The following PTPRT variants were observed in gnomAD, a reference collection of about 807,000 sequenced individuals.
PTPRT encodes the protein receptor-type tyrosine-protein phosphatase T.
A neutral mutation model predicts 176.8 loss-of-function variants in PTPRT; 56 were observed. The observed-to-expected ratio is 0.32, with a 90% CI of 0.26 to 0.40. The LOEUF is 0.40. Among genes scored for constraint, PTPRT ranks in the 10% least tolerant of loss-of-function variants. The pLI is 1.00. For missense variants in PTPRT, 1,540 were observed against 1,908.2 expected (o/e 0.81, Z 3.60); for synonymous variants, 783 against 739.0 (o/e 1.06, Z -0.96).
chr20:42,328,775 C>T (rs1383290713), intron 11 of PTPRT, among the ~76,000 whole-genome samples: 3 of 152,100 alleles, frequency 2.0e-5, no homozygotes, highest in African/African-American at 7.2e-5. Flanking sequence ...TATTATTTGG[C>T]AACGTTGCCC....
chr20:42,154,288 TG>T (rs1170746200), intron 17 of PTPRT, among the ~76,000 whole-genome samples: 1 of 152,070 alleles, frequency 6.6e-6, no homozygotes, highest in African/African-American at 2.4e-5. Context: ...GAAGCAGAGG[TG>T]TCCTCAGACA....
chr20:42,449,718 G>A (rs371891338), intron 8 of PTPRT, among the ~76,000 whole-genome samples: 22 of 152,182 alleles, frequency 1.4e-4, no homozygotes, highest in South Asian at 2.1e-4. Context: ...ATCACGCTAC[G>A]CCTCTCTACA....
intron 1 of PTPRT, among the ~76,000 whole-genome samples, chr20:42,986,253 C>T (rs1024801083): frequency 6.6e-6 from 1 of 152,224 alleles, no homozygotes; most frequent in African/African-American, 2.4e-5. Flanking sequence ...GTACCAGAAT[C>T]ATTTTCAAGA....
intron 2 of PTPRT, among the ~76,000 whole-genome samples, chr20:42,862,611 G>C (rs1399970708): frequency 6.6e-6 from 1 of 152,180 alleles, no homozygotes; most frequent in East Asian, 1.9e-4. Flanking sequence ...GAGAGTGGGA[G>C]GGAGGGAGCC....
chr20:42,462,380 C>T (rs1020257755), intron 8 of PTPRT, among the ~76,000 whole-genome samples: 21 of 151,930 alleles, frequency 1.4e-4, no homozygotes, highest in African/African-American at 3.6e-4. Flanking sequence ...GCAGCAGCTA[C>T]GGAAGGAAAG....
At chr20:42,503,310 T>C (rs2071788594) in intron 7 of PTPRT, among the ~76,000 whole-genome samples, 1 of 152,066 alleles carries the variant, frequency 6.6e-6, no homozygotes, top group African/African-American at 2.4e-5. Flanking sequence ...GTAAGCATGT[T>C]AAAGCTAGGA....
At chr20:42,462,097 G>C (rs2071030930) in intron 8 of PTPRT, among the ~76,000 whole-genome samples, 1 of 152,082 alleles carries the variant, frequency 6.6e-6, no homozygotes. Flanking sequence ...ACAAGGAGGT[G>C]AGGGGGAGGT....
intron 7 of PTPRT, among the ~76,000 whole-genome samples, chr20:42,593,306 C>G (rs1487931609): frequency 6.6e-6 from 1 of 152,174 alleles, no homozygotes; most frequent in South Asian, 2.1e-4. Context: ...AAACTCTACT[C>G]TGAAATATTA....
intron 9 of PTPRT, among the ~76,000 whole-genome samples, chr20:42,414,420 C>T (rs779106356): frequency 2.0e-4 from 30 of 152,050 alleles, no homozygotes; most frequent in Non-Finnish European, 3.1e-4. Flanking sequence ...AGCAATTAAA[C>T]AAGAGACTGA....
intron 5 of PTPRT, among the ~76,000 whole-genome samples, chr20:42,759,594 A>C (rs1428105037): frequency 5.9e-5 from 9 of 152,252 alleles, no homozygotes; most frequent in Non-Finnish European, 1.2e-4. Context: ...GAAATGCCAC[A>C]AAGAAGCATA....
At chr20:42,747,271 T>C (rs150414304) in intron 6 of PTPRT, among the ~76,000 whole-genome samples, 38 of 152,302 alleles carry the variant, frequency 2.5e-4, no homozygotes, top group African/African-American at 9.1e-4. Context: ...TCTCGTCACA[T>C]GCTTGTAAAG....
chr20:42,938,675 C>T (rs557819069), intron 1 of PTPRT, among the ~76,000 whole-genome samples: 1 of 152,034 alleles, frequency 6.6e-6, no homozygotes, highest in African/African-American at 2.4e-5. Flanking sequence ...CTAACTCCCT[C>T]CCCCCCATGC....
At chr20:42,244,412 T>C (rs1439552030) in intron 14 of PTPRT, among the ~76,000 whole-genome samples, 6 of 152,204 alleles carry the variant, frequency 3.9e-5, no homozygotes, top group Non-Finnish European at 8.8e-5. Context: ...AGGTTAAGGC[T>C]GGACTAGGAC....
chr20:42,554,871 T>C (rs2072833065), intron 7 of PTPRT, among the ~76,000 whole-genome samples: 1 of 152,188 alleles, frequency 6.6e-6, no homozygotes, highest in African/African-American at 2.4e-5. Context: ...TGGGGAGTTA[T>C]TATTTTTTAG....
At chr20:42,762,005 AATG>A (rs576781038) in intron 5 of PTPRT, among the ~76,000 whole-genome samples, 266 of 152,336 alleles carry the variant, frequency 1.7e-3, no homozygotes, top group African/African-American at 6.2e-3. Context: ...AAGAATATCT[AATG>A]ATAACTTGCA....
At chr20:42,738,510 G>GA (rs1236341660) in intron 6 of PTPRT, among the ~76,000 whole-genome samples, 88 of 143,122 alleles carry the variant, frequency 6.1e-4, no homozygotes, top group African/African-American at 9.3e-4. Flanking sequence ...CTCTGTCTTA[G>GA]AAAAAAAAAA....
intron 13 of PTPRT, among the ~76,000 whole-genome samples, chr20:42,260,328 A>G (rs901349831): frequency 6.6e-6 from 1 of 152,146 alleles, no homozygotes; most frequent in Non-Finnish European, 1.5e-5. Flanking sequence ...CTCAGTGCTG[A>G]CAGTACTGGC....
chr20:42,682,229 T>C (rs1407474025), intron 6 of PTPRT, among the ~76,000 whole-genome samples: 1 of 152,220 alleles, frequency 6.6e-6, no homozygotes, highest in African/African-American at 2.4e-5. Context: ...CTCATTAAAC[T>C]GTGAACTTTA....
chr20:42,922,956 G>T (rs1280865938), intron 1 of PTPRT, among the ~76,000 whole-genome samples: 1 of 152,008 alleles, frequency 6.6e-6, no homozygotes, highest in African/African-American at 2.4e-5. Flanking sequence ...CCCAAGCTAA[G>T]ATGGCATCCC....
Sources: gnomAD v4.1 joint callset for allele counts (sites outside exome capture counted in the v4.1 genomes callset) on GRCh38, gnomAD v4.1.1 for gene constraint, MANE v1.5 for transcripts, NCBI Gene and HGNC (gene_info 2026-07-23, HGNC 2026-07-21) for gene names.